The following SPOCK1 variants were observed in gnomAD, a reference collection of about 807,000 sequenced individuals.
The protein encoded by SPOCK1 is SPARC (osteonectin), cwcv and kazal like domains proteoglycan 1, also known as testican-1.
SPOCK1 carries 23 observed loss-of-function variants against 55.3 expected under a neutral mutation model. The ratio of observed to expected loss-of-function variants is 0.42; its 90% CI spans 0.30 to 0.59. The LOEUF is 0.59. Among genes scored for constraint, SPOCK1 ranks in the 20% least tolerant of loss-of-function variants. The pLI, the probability that SPOCK1 is intolerant of heterozygous loss-of-function variation, is 0.22. For missense variants in SPOCK1, 499 were observed against 552.5 expected (o/e 0.90, Z 0.97); for synonymous variants, 226 against 221.0 (o/e 1.02, Z -0.20).
At chr5:137,185,091 AC>A (rs1278670172) in intron 3 of SPOCK1, among the ~76,000 whole-genome samples, 2 of 152,206 alleles carry the variant, frequency 1.3e-5, no homozygotes, top group African/African-American at 4.8e-5. Flanking sequence ...GAAATGACAA[AC>A]AAAAGGAGGA....
At chr5:137,342,133 G>C (rs543347321) in intron 2 of SPOCK1, among the ~76,000 whole-genome samples, 4 of 152,216 alleles carry the variant, frequency 2.6e-5, no homozygotes, top group African/African-American at 4.8e-5. Context: ...GTGTTCCACA[G>C]AAAGCACTTC....
chr5:137,497,243 G>A (rs931940179), intron 2 of SPOCK1, among the ~76,000 whole-genome samples: 16 of 152,154 alleles, frequency 1.1e-4, no homozygotes, highest in African/African-American at 2.9e-4. Context: ...ATTAACAAAG[G>A]GGGTCTGTGG....
At chr5:137,278,908 T>C (rs950655361) in intron 2 of SPOCK1, among the ~76,000 whole-genome samples, 13 of 152,282 alleles carry the variant, frequency 8.5e-5, no homozygotes, top group African/African-American at 2.9e-4. Context: ...AACCCCACTA[T>C]TGAGGACCAA....
At chr5:136,988,086 T>C (rs1750877792) in intron 8 of SPOCK1, among the ~76,000 whole-genome samples, 1 of 152,204 alleles carries the variant, frequency 6.6e-6, no homozygotes, top group Admixed American at 6.5e-5. Context: ...TTAAGGTATT[T>C]TTTACATTGA....
chr5:137,211,832 C>T (rs1755623727), intron 3 of SPOCK1, among the ~76,000 whole-genome samples: 1 of 152,108 alleles, frequency 6.6e-6, no homozygotes, highest in South Asian at 2.1e-4. Context: ...GAACACAATC[C>T]AAAAGGGTGG....
chr5:137,359,699 C>G (rs1229710), intron 2 of SPOCK1, among the ~76,000 whole-genome samples: 1 of 152,050 alleles, frequency 6.6e-6, no homozygotes, highest in Non-Finnish European at 1.5e-5. Flanking sequence ...TACTAAGGAG[C>G]AAATGCAGTC....
At chr5:137,029,401 A>G (rs139284649) in intron 6 of SPOCK1, among the ~76,000 whole-genome samples, 222 of 152,366 alleles carry the variant, frequency 1.5e-3, no homozygotes, top group African/African-American at 5.1e-3. Flanking sequence ...AACTTATATG[A>G]CTTGGTTAAT....
intron 5 of SPOCK1, among the ~76,000 whole-genome samples, chr5:137,107,488 T>C (rs867292693): frequency 6.6e-6 from 1 of 152,190 alleles, no homozygotes; most frequent in Non-Finnish European, 1.5e-5. Flanking sequence ...ACCCTTCTGT[T>C]CCTTATCTTT....
chr5:137,113,591 T>C (rs777351071), intron 4 of SPOCK1, among the ~76,000 whole-genome samples: 27 of 152,304 alleles, frequency 1.8e-4, no homozygotes, highest in Middle Eastern at 3.4e-3. Flanking sequence ...AGTTTCTTCA[T>C]TAGTAAAATG....
At chr5:137,113,619 C>T (rs1236482620) in intron 4 of SPOCK1, among the ~76,000 whole-genome samples, 3 of 152,240 alleles carry the variant, frequency 2.0e-5, no homozygotes, top group African/African-American at 4.8e-5. Context: ...ATAGAATTGA[C>T]TTCAAGTGGA....
intron 3 of SPOCK1, among the ~76,000 whole-genome samples, chr5:137,254,568 C>T (rs915211128): frequency 7.9e-5 from 12 of 152,192 alleles, no homozygotes; most frequent in African/African-American, 2.9e-4. Context: ...AGCATCCATA[C>T]GCGTTTGAGA....
chr5:137,364,681 C>G (rs1041709035), intron 2 of SPOCK1, among the ~76,000 whole-genome samples: 6 of 152,206 alleles, frequency 3.9e-5, no homozygotes, highest in Non-Finnish European at 7.4e-5. Context: ...ACCTGCCCCC[C>G]CGAGCCTATA....
intron 6 of SPOCK1, 70 bp downstream of exon 6, chr5:137,067,645 C>G: frequency 7.4e-7 from 1 of 1,343,580 alleles, no homozygotes; most frequent in Non-Finnish European, 1.1e-6. Flanking sequence ...TGGGACAGAG[C>G]TCGGCCACAT....
chr5:137,451,696 T>G (rs2035572409), intron 2 of SPOCK1, among the ~76,000 whole-genome samples: 1 of 152,240 alleles, frequency 6.6e-6, no homozygotes, highest in Admixed American at 6.5e-5. Context: ...TGTTTGGTCC[T>G]GCACATACAT....
chr5:137,240,118 A>G (rs1372981875), intron 3 of SPOCK1, among the ~76,000 whole-genome samples: 1 of 152,248 alleles, frequency 6.6e-6, no homozygotes, highest in Non-Finnish European at 1.5e-5. Context: ...CAGAGCTATA[A>G]GAATAAAACT....
chr5:137,363,758 G>A (rs1362176730), intron 2 of SPOCK1, among the ~76,000 whole-genome samples: 1 of 152,194 alleles, frequency 6.6e-6, no homozygotes, highest in Non-Finnish European at 1.5e-5. Flanking sequence ...TAACTTCAGT[G>A]AAAGGAAAAT....
At chr5:137,432,379 AT>A (rs1752766404) in intron 2 of SPOCK1, among the ~76,000 whole-genome samples, 1 of 151,678 alleles carries the variant, frequency 6.6e-6, no homozygotes, top group Non-Finnish European at 1.5e-5. Flanking sequence ...CAGTGAAAAG[AT>A]TTTTTAAATG....
At chr5:137,149,997 C>T (rs1754286783) in intron 3 of SPOCK1, among the ~76,000 whole-genome samples, 3 of 152,162 alleles carry the variant, frequency 2.0e-5, no homozygotes, top group Admixed American at 2.0e-4. Context: ...GCCTGGCGCA[C>T]AGTTCATGCT....
intron 3 of SPOCK1, among the ~76,000 whole-genome samples, chr5:137,214,435 C>T (rs1483277887): frequency 1.3e-5 from 2 of 152,206 alleles, no homozygotes; most frequent in African/African-American, 4.8e-5. Flanking sequence ...TCCCCCCTTA[C>T]AGAAGCATGT....
Sources: allele counts gnomAD v4.1 joint callset (sites outside exome capture counted in the v4.1 genomes callset), GRCh38; gene constraint gnomAD v4.1.1; transcripts MANE v1.5; gene names NCBI Gene and HGNC (gene_info 2026-07-23, HGNC 2026-07-21).